The following WWOX variants were observed in gnomAD, a reference collection of about 807,000 sequenced individuals.
WWOX encodes the protein WW domain containing oxidoreductase, also known as WW domain-containing oxidoreductase.
In WWOX, 69 loss-of-function variants were observed where a neutral mutation model predicts 46.2. The observed-to-expected ratio is 1.49, with a 90% CI of 1.23 to 1.82. WWOX has a LOEUF of 1.82. Among genes scored for constraint, WWOX ranks in the 40% most tolerant of loss-of-function variants. The pLI is 0.00. For synonymous variants in WWOX, 359 were observed against 202.6 expected, an observed-to-expected ratio of 1.77 and a Z score of -6.56; for missense variants, 919 against 542.6, an observed-to-expected ratio of 1.69 and a Z score of -6.89.
At chr16:78,632,503 C>T (rs1380884112) in intron 8 of WWOX, among the ~76,000 whole-genome samples, 1 of 150,792 alleles carries the variant, frequency 6.6e-6, no homozygotes, top group African/African-American at 2.4e-5. Context: ...TTGATAGAAC[C>T]CCTTAGTGTC....
intron 4 of WWOX, among the ~76,000 whole-genome samples, chr16:78,154,040 G>T (rs2034511637): frequency 6.6e-6 from 1 of 152,104 alleles, no homozygotes; most frequent in South Asian, 2.1e-4. Context: ...GCGGCTGCCT[G>T]CTCCGATGCT....
chr16:78,115,729 G>T (rs1015440835), intron 4 of WWOX, among the ~76,000 whole-genome samples: 9 of 152,018 alleles, frequency 5.9e-5, no homozygotes, highest in Non-Finnish European at 1.2e-4. Flanking sequence ...CAATATGATG[G>T]GCCATTAAGG....
chr16:78,798,678 CAG>C (rs532850957), intron 8 of WWOX, among the ~76,000 whole-genome samples: 11 of 151,222 alleles, frequency 7.3e-5, no homozygotes, highest in Admixed American at 3.3e-4. Context: ...CTCACCATCT[CAG>C]GGGTAAATAA....
At chr16:78,824,723 T>G (rs1450319379) in intron 8 of WWOX, among the ~76,000 whole-genome samples, 1 of 152,006 alleles carries the variant, frequency 6.6e-6, no homozygotes, top group Non-Finnish European at 1.5e-5. Flanking sequence ...ATCACGAGGA[T>G]AGCGCAGGAA....
rs112429646 is a variant in WWOX, at chr16:78,910,889, C to G, written c.1057-300719C>G. On this transcript the variant is annotated intron_variant, in intron 8 of 8. Coordinates refer to ENST00000566780, the MANE Select transcript of WWOX (RefSeq NM_016373.4). ...AGATTTGGGTGGGGACACAGCCAAA[C>G]CATATCAGATGCAAAGTTATGCATA... Among the ~76,000 whole-genome samples the G allele has an allele frequency of 6.7e-3, 1,021 of 152,084 alleles. 16 individuals carry two copies. The highest frequency in any genetic ancestry group is 0.023 in the African/African-American group (960 of 41,526).
At chr16:78,369,282 A>G (rs543746990) in intron 5 of WWOX, among the ~76,000 whole-genome samples, 4 of 152,266 alleles carry the variant, frequency 2.6e-5, no homozygotes, top group African/African-American at 9.6e-5. Flanking sequence ...TTGCAGTGAA[A>G]ACACTGAAAC....
intron 5 of WWOX, among the ~76,000 whole-genome samples, chr16:78,278,324 G>A (rs997655034): frequency 4.6e-5 from 7 of 152,138 alleles, no homozygotes; most frequent in African/African-American, 1.7e-4. Context: ...TGTTGTAGCA[G>A]TGTTCAAGGT....
intron 8 of WWOX, among the ~76,000 whole-genome samples, chr16:79,001,343 A>T: frequency 6.6e-6 from 1 of 151,800 alleles, no homozygotes; most frequent in East Asian, 1.9e-4. Context: ...GTCAGGATGC[A>T]TATTTCTTTA....
chr16:78,312,139 G>A (rs553688780), intron 5 of WWOX, among the ~76,000 whole-genome samples: 1 of 152,202 alleles, frequency 6.6e-6, no homozygotes, highest in African/African-American at 2.4e-5. Flanking sequence ...GATTTCATTG[G>A]TCTCAGCTGG....
In WWOX at chr16:78,681,406, A is replaced by G. The variant is rs560931068; in HGVS notation, c.1056+248654A>G. Among the ~76,000 whole-genome samples the G allele has an allele frequency of 1.1e-4, 17 of 152,312 alleles. No homozygotes were observed. The East Asian group carries it at 1.7e-3, about 16-fold the overall frequency. The stretch of plus-strand genomic sequence containing the variant: ...GTGACAGAGCGAGACTCTGTCTCAA[A>G]AAACCAAAACAAAGGTCAATTTTTT... On this transcript the variant is annotated intron_variant, in intron 8 of 8. Transcript: ENST00000566780.
intron 8 of WWOX, among the ~76,000 whole-genome samples, chr16:78,963,294 C>A (rs893508512): frequency 5.3e-5 from 8 of 151,816 alleles, no homozygotes; most frequent in Non-Finnish European, 1.2e-4. Flanking sequence ...CATAGTGAGG[C>A]CTTATCTCTT....
intron 8 of WWOX, among the ~76,000 whole-genome samples, chr16:78,861,561 G>T (rs1321406216): frequency 6.6e-6 from 1 of 152,086 alleles, no homozygotes; most frequent in African/African-American, 2.4e-5. Context: ...TAGACATTTT[G>T]AGTAACTAAA....
intron 8 of WWOX, among the ~76,000 whole-genome samples, chr16:78,807,495 G>C (rs749301900): frequency 1.3e-5 from 2 of 152,170 alleles, no homozygotes; most frequent in African/African-American, 2.4e-5. Flanking sequence ...TCAAGGGCCC[G>C]GGTTTATTTT....
Position 78,467,550 on chromosome 16 carries a change from C to G in WWOX, c.1056+34798C>G, listed in dbSNP as rs61667906. ...TTTTAGTTTAAACTGACTGTAATGT[C>G]TCTTGAATGGTCTTTTGTAAAATGA... On this transcript the variant is annotated intron_variant, in intron 8 of 8. Coordinates refer to ENST00000566780, the MANE Select transcript of WWOX (RefSeq NM_016373.4). 1.5e-3 allele frequency among the ~76,000 whole-genome samples: 229 copies of G among 152,194 alleles called. 1 individual carries two copies. The highest frequency in any genetic ancestry group is 5.3e-3 in the African/African-American group (219 of 41,538).
intron 5 of WWOX, among the ~76,000 whole-genome samples, chr16:78,182,968 G>A (rs4887943): frequency 0.55 from 72,360 of 131,746 alleles, 22,014 homozygotes; most frequent in African/African-American, 0.8. Flanking sequence ...AAAAAAAAAA[G>A]AAAGAAAGAA....
intron 8 of WWOX, among the ~76,000 whole-genome samples, chr16:79,045,780 C>CTTTTTTTTTTTTTTTTTTTTTT (rs770463813): frequency 1.8e-5 from 1 of 54,232 alleles, no homozygotes; most frequent in Non-Finnish European, 3.9e-5. Flanking sequence ...TTTTCTTTTC[C>CTTTTTTTTTTTTTTTTTTTTTT]TTTTTTTTTT....
intron 8 of WWOX, among the ~76,000 whole-genome samples, chr16:78,586,823 A>G (rs1459523530): frequency 1.3e-5 from 2 of 152,180 alleles, no homozygotes; most frequent in African/African-American, 4.8e-5. Flanking sequence ...TGATGGGTCT[A>G]TAATTTCAGA....
chr16:78,719,931 G>T (rs1221012339), intron 8 of WWOX, among the ~76,000 whole-genome samples: 1 of 152,020 alleles, frequency 6.6e-6, no homozygotes, highest in Non-Finnish European at 1.5e-5. Context: ...TTTTAAGCAC[G>T]TTTTCACCAA....
At chr16:78,231,680 A>T (rs954616641) in intron 5 of WWOX, among the ~76,000 whole-genome samples, 1 of 152,158 alleles carries the variant, frequency 6.6e-6, no homozygotes, top group Non-Finnish European at 1.5e-5. Flanking sequence ...AGAAAACATA[A>T]TTATTATCAA....
Sources: gnomAD v4.1 joint callset for allele counts (sites outside exome capture counted in the v4.1 genomes callset) on GRCh38, gnomAD v4.1.1 for gene constraint, MANE v1.5 for transcripts, NCBI Gene and HGNC (gene_info 2026-07-23, HGNC 2026-07-21) for gene names.